PLXNA2: variants seen among roughly 807,000 people sequenced by gnomAD.
PLXNA2 encodes the protein plexin A2.
A neutral mutation model predicts 193.5 loss-of-function variants in PLXNA2; 91 were observed. The ratio of observed to expected loss-of-function variants is 0.47; its 90% CI spans 0.40 to 0.56. PLXNA2 has a LOEUF of 0.56. PLXNA2 is among the 20% of genes least tolerant of loss of function. The pLI, the probability that PLXNA2 is intolerant of heterozygous loss-of-function variation, is 0.00. For synonymous variants in PLXNA2, 997 were observed against 1,027.3 expected, an observed-to-expected ratio of 0.97 and a Z score of 0.56; for missense variants, 1,995 against 2,503.2, an observed-to-expected ratio of 0.80 and a Z score of 4.33.
At chr1:208,214,137 A>C (rs942024084) in intron 2 of PLXNA2, among the ~76,000 whole-genome samples, 10 of 152,106 alleles carry the variant, frequency 6.6e-5, no homozygotes, top group African/African-American at 1.9e-4. Context: ...AAAAAAAAAA[A>C]AACCAAAGAC....
rs1670900430 is a variant in PLXNA2 at position 208,210,424 on chromosome 1, G to A, written c.1227C>T (p.Ile409=). 1.2e-6 allele frequency: 2 copies of A among 1,613,772 alleles called. No individual in the cohort carries two copies. Among genetic ancestry groups the A allele is most frequent in the African/African-American group, 1.3e-5 (1 of 74,900 alleles). Residue 409 remains isoleucine (I), a synonymous_variant, in exon 3 of 32, where the codon ATC becomes ATT. Coordinates refer to ENST00000367033, the MANE Select transcript of PLXNA2 (RefSeq NM_025179.4). ...PIDDNFCGLD[I]NQPLGGSTPV... Reference sequence around the variant, plus strand: ...GAGTTGAGCCTCCCAGGGGCTGGTTGATGTCCAGTCCACAGAAGTTATCAT... The same window carrying A: ...GAGTTGAGCCTCCCAGGGGCTGGTTAATGTCCAGTCCACAGAAGTTATCAT...
intron 1 of PLXNA2, among the ~76,000 whole-genome samples, chr1:208,225,207 G>C (rs1326302866): frequency 6.6e-6 from 1 of 152,224 alleles, no homozygotes; most frequent in Non-Finnish European, 1.5e-5. Context: ...TGAGTTAAAG[G>C]CTGAATTGTG....
At chr1:208,053,820 T>C (rs1257479787) in intron 14 of PLXNA2, among the ~76,000 whole-genome samples, 1 of 152,186 alleles carries the variant, frequency 6.6e-6, no homozygotes, top group African/African-American at 2.4e-5. Flanking sequence ...TCTTTGCAAT[T>C]TGACTACCTG....
chr1:208,211,464 C>A (rs1012433259), intron 2 of PLXNA2, among the ~76,000 whole-genome samples: 1 of 152,064 alleles, frequency 6.6e-6, no homozygotes, highest in Non-Finnish European at 1.5e-5. Flanking sequence ...GAGGCCAAGG[C>A]GGGCAGTTCA....
chr1:208,133,904 C>T (rs1276309041), intron 4 of PLXNA2, among the ~76,000 whole-genome samples: 4 of 152,158 alleles, frequency 2.6e-5, no homozygotes, highest in Non-Finnish European at 5.9e-5. Context: ...GGGTAAGTTT[C>T]CTTCTGGTGA....
chr1:208,201,430 C>A (rs1213059799), intron 3 of PLXNA2, among the ~76,000 whole-genome samples: 1 of 152,186 alleles, frequency 6.6e-6, no homozygotes, highest in African/African-American at 2.4e-5. Context: ...ATGCCAAAGT[C>A]CAGCAGGATT....
chr1:208,144,737 C>T (rs538585468), intron 3 of PLXNA2, among the ~76,000 whole-genome samples: 105 of 152,152 alleles, frequency 6.9e-4, no homozygotes, highest in Non-Finnish European at 1.3e-3. Context: ...CCCTATGCTC[C>T]GCTCTTGCCC....
At chr1:208,107,071 C>T (rs543873686) in intron 4 of PLXNA2, among the ~76,000 whole-genome samples, 3 of 152,326 alleles carry the variant, frequency 2.0e-5, no homozygotes, top group African/African-American at 4.8e-5. Flanking sequence ...GCCTTCTAGC[C>T]TTGGCCAAAA....
chr1:208,109,767 A>T (rs1463814796), intron 4 of PLXNA2, among the ~76,000 whole-genome samples: 1 of 152,162 alleles, frequency 6.6e-6, no homozygotes, highest in Non-Finnish European at 1.5e-5. Flanking sequence ...TTTCTGAAGG[A>T]TGAGGAGGGA....
intron 4 of PLXNA2, among the ~76,000 whole-genome samples, chr1:208,109,301 C>G (rs1037190020): frequency 6.6e-6 from 1 of 152,008 alleles, no homozygotes; most frequent in African/African-American, 2.4e-5. Context: ...CTTGGTGGTC[C>G]CTCCCTGCAG....
At position 208,060,751 on chromosome 1, in the gene PLXNA2, G is replaced by A; in HGVS notation, c.2673C>T (p.Ala891=). 1 of 1,614,072 alleles carries A rather than the reference G, an allele frequency of 6.2e-7. No homozygotes were observed. The highest frequency in any genetic ancestry group is 1.1e-5 in the South Asian group (1 of 91,074). ...GCACCCCAGCCACCTGCACATGGTGGGCGATCTCGGAGAAGTCCAGACCCA... is the reference window on the plus strand; with the variant it reads ...GCACCCCAGCCACCTGCACATGGTGAGCGATCTCGGAGAAGTCCAGACCCA... ...VNLGLDFSEI[A]HHVQVAGVPC... Residue 891 remains alanine (A), a synonymous_variant, in exon 13 of 32, where the codon GCC becomes GCT. Coordinates refer to ENST00000367033, the MANE Select transcript of PLXNA2 (RefSeq NM_025179.4).
At chr1:208,040,293 C>T in intron 22 of PLXNA2, 1 of 564,640 alleles carries the variant, frequency 1.8e-6, no homozygotes, top group Admixed American at 3.1e-5. Flanking sequence ...TTGGCCTTTT[C>T]AGCCCTGATG....
chr1:208,034,208 A>G (rs1158969948), intron 27 of PLXNA2, among the ~76,000 whole-genome samples: 1 of 152,238 alleles, frequency 6.6e-6, no homozygotes, highest in African/African-American at 2.4e-5. Context: ...CCTGGGATAT[A>G]TGAACCCCCA....
At chr1:208,133,909 T>C (rs560345646) in intron 4 of PLXNA2, among the ~76,000 whole-genome samples, 6 of 152,228 alleles carry the variant, frequency 3.9e-5, no homozygotes, top group Non-Finnish European at 7.3e-5. Flanking sequence ...AGTTTCCTTC[T>C]GGTGAGACAC....
chr1:208,052,064 G>A (rs1342596150), intron 15 of PLXNA2, among the ~76,000 whole-genome samples: 1 of 152,180 alleles, frequency 6.6e-6, no homozygotes, highest in Non-Finnish European at 1.5e-5. Flanking sequence ...TGACTGGGGA[G>A]CTCCTAGGAG....
intron 3 of PLXNA2, among the ~76,000 whole-genome samples, chr1:208,208,780 T>C (rs1055355911): frequency 2.6e-5 from 4 of 152,194 alleles, no homozygotes; most frequent in African/African-American, 9.7e-5. Context: ...CAGATGTTTA[T>C]ACCACAGGGT....
chr1:208,176,776 C>T (rs1669674437), intron 3 of PLXNA2, among the ~76,000 whole-genome samples: 1 of 152,218 alleles, frequency 6.6e-6, no homozygotes, highest in Non-Finnish European at 1.5e-5. Flanking sequence ...AAAGGGTTTC[C>T]CCTTGATAAC....
chr1:208,075,654 T>C (rs1666122259), intron 12 of PLXNA2, among the ~76,000 whole-genome samples: 1 of 152,268 alleles, frequency 6.6e-6, no homozygotes, highest in Non-Finnish European at 1.5e-5. Flanking sequence ...CTGAAACAAT[T>C]ATTACTTGTG....
chr1:208,105,132 G>A (rs527687593), intron 4 of PLXNA2, among the ~76,000 whole-genome samples: 5 of 152,342 alleles, frequency 3.3e-5, no homozygotes, highest in East Asian at 1.9e-4. Flanking sequence ...TAGGAGAGGC[G>A]TTGCTCAACC....
Sources: allele counts gnomAD v4.1 joint callset (sites outside exome capture counted in the v4.1 genomes callset), GRCh38; gene constraint gnomAD v4.1.1; transcripts MANE v1.5; gene names NCBI Gene and HGNC (gene_info 2026-07-23, HGNC 2026-07-21).